The following SH3GL3 variants were observed in gnomAD, a reference collection of about 807,000 sequenced individuals.
The protein encoded by SH3GL3 is SH3 domain containing GRB2 like 3, endophilin A3.
SH3GL3 carries 33 observed loss-of-function variants against 47.7 expected under a neutral mutation model. That is an observed-to-expected ratio of 0.69 (90% CI 0.52 to 0.92). The LOEUF (loss-of-function observed/expected upper bound fraction) is 0.92. Ranked by LOEUF, SH3GL3 falls within the 40% of genes least tolerant of loss-of-function variation. The pLI is 0.00. For missense variants in SH3GL3, 363 were observed against 417.8 expected, an observed-to-expected ratio of 0.87 and a Z score of 1.14; for synonymous variants, 155 against 148.8, an observed-to-expected ratio of 1.04 and a Z score of -0.30.
At chr15:83,557,851 A>T (rs1239876438) in intron 1 of SH3GL3, among the ~76,000 whole-genome samples, 1 of 152,204 alleles carries the variant, frequency 6.6e-6, no homozygotes, top group Non-Finnish European at 1.5e-5. Flanking sequence ...CTCCAACTCT[A>T]GCTCGGAGGA....
At chr15:83,563,203 A>G (rs2045369134) in intron 2 of SH3GL3, among the ~76,000 whole-genome samples, 1 of 152,148 alleles carries the variant, frequency 6.6e-6, no homozygotes, top group African/African-American at 2.4e-5. Context: ...CTTGCTTTCT[A>G]TGTATGTACT....
chr15:83,597,206 C>A (rs112126585), intron 8 of SH3GL3, among the ~76,000 whole-genome samples: 1 of 152,156 alleles, frequency 6.6e-6, no homozygotes, highest in South Asian at 2.1e-4. Context: ...TGCCTCATTG[C>A]CCCTTGCTCC....
chr15:83,521,718 T>G (rs1434829206), intron 1 of SH3GL3, among the ~76,000 whole-genome samples: 1 of 152,132 alleles, frequency 6.6e-6, no homozygotes, highest in Non-Finnish European at 1.5e-5. Flanking sequence ...CAGCAAACCG[T>G]TCAGATTAGC....
intron 6 of SH3GL3, among the ~76,000 whole-genome samples, chr15:83,584,873 A>G (rs916985626): frequency 6.6e-6 from 1 of 152,160 alleles, no homozygotes; most frequent in Non-Finnish European, 1.5e-5. Flanking sequence ...AAATTCCAAC[A>G]ATGGAAGAAA....
chr15:83,494,534 A>G (rs1596103459), intron 1 of SH3GL3, among the ~76,000 whole-genome samples: 1 of 147,662 alleles, frequency 6.8e-6, no homozygotes, highest in Non-Finnish European at 1.5e-5. Flanking sequence ...TTATTTCTGT[A>G]TGACTTAGTC....
chr15:83,490,862 G>A (rs761345655), intron 1 of SH3GL3: 1 of 1,614,166 alleles, frequency 6.2e-7, no homozygotes, highest in South Asian at 1.1e-5. Context: ...GGGATAATAT[G>A]CAATCAAGCT....
At chr15:83,510,734 A>G (rs2042711685) in intron 1 of SH3GL3, among the ~76,000 whole-genome samples, 2 of 152,232 alleles carry the variant, frequency 1.3e-5, no homozygotes, top group South Asian at 2.1e-4. Context: ...AAAAGGGTCC[A>G]TGAAGCAGCT....
At chr15:83,565,358 G>T (rs2045483726) in intron 3 of SH3GL3, 152 bp downstream of exon 3, 1 of 637,402 alleles carries the variant, frequency 1.6e-6, no homozygotes, top group Non-Finnish European at 2.8e-6. Flanking sequence ...GTGACCAAAG[G>T]TAGTTGCATT....
At chr15:83,545,454 A>T (rs2151710101) in intron 1 of SH3GL3, among the ~76,000 whole-genome samples, 1 of 152,290 alleles carries the variant, frequency 6.6e-6, no homozygotes, top group East Asian at 1.9e-4. Context: ...CTTCTTCAAA[A>T]CAGTTCTTTT....
At chr15:83,577,763 T>C (rs190088884) in intron 6 of SH3GL3, among the ~76,000 whole-genome samples, 4 of 152,330 alleles carry the variant, frequency 2.6e-5, no homozygotes, top group Non-Finnish European at 5.9e-5. Flanking sequence ...CTCTGAAGAT[T>C]GCTAAGTAGA....
intron 1 of SH3GL3, among the ~76,000 whole-genome samples, chr15:83,475,563 A>G (rs754133105): frequency 3.9e-5 from 6 of 152,230 alleles, no homozygotes; most frequent in Non-Finnish European, 5.9e-5. Context: ...GATCTCTGCT[A>G]TTCACATTGG....
chr15:83,533,455 A>T (rs1454535123), intron 1 of SH3GL3, among the ~76,000 whole-genome samples: 2 of 152,234 alleles, frequency 1.3e-5, no homozygotes, highest in African/African-American at 4.8e-5. Flanking sequence ...ACAGAGGCTT[A>T]GGATCTGGAA....
chr15:83,447,832 G>T lies in SH3GL3; in HGVS notation c.45+254G>T, dbSNP rs1453682700. On this transcript the variant is annotated intron_variant, in intron 1 of 8. Coordinates refer to ENST00000427482, the MANE Select transcript of SH3GL3 (RefSeq NM_003027.5). The surrounding 1 kb of genome is among the most constrained non-coding windows in gnomAD (Gnocchi z 5.1). ...TAAATCGGAGAGATTCTGCGGAGCG[G>T]AGGGCAGAGGTGGCGGCCGCGGGGA... Among the ~76,000 whole-genome samples, 1 of 152,164 alleles carries T rather than the reference G, an allele frequency of 6.6e-6. No homozygotes were observed. Among genetic ancestry groups the T allele is most frequent in the Non-Finnish European group, 1.5e-5 (1 of 68,012 alleles).
intron 3 of SH3GL3, among the ~76,000 whole-genome samples, chr15:83,566,441 C>T (rs2045551567): frequency 6.8e-6 from 1 of 146,856 alleles, no homozygotes; most frequent in Non-Finnish European, 1.5e-5. Flanking sequence ...GGCTTGGGGA[C>T]CTGGAGGATA....
At chr15:83,588,860 TAC>T in intron 8 of SH3GL3, 89 bp downstream of exon 8, 1 of 739,530 alleles carries the variant, frequency 1.4e-6, no homozygotes, top group Non-Finnish European at 2.5e-6. Context: ...GGTCAGTGAA[TAC>T]ACACAGACCC....
At chr15:83,604,820 A>G (rs964290457) in intron 8 of SH3GL3, among the ~76,000 whole-genome samples, 1 of 152,226 alleles carries the variant, frequency 6.6e-6, no homozygotes, top group African/African-American at 2.4e-5. Context: ...ACTTTACCTT[A>G]TAGATATTTC....
At chr15:83,573,299 T>G (rs2059587659) in intron 5 of SH3GL3, among the ~76,000 whole-genome samples, 1 of 152,230 alleles carries the variant, frequency 6.6e-6, no homozygotes. Flanking sequence ...ACAGAAGATG[T>G]TCCTCCAGGT....
intron 1 of SH3GL3, among the ~76,000 whole-genome samples, chr15:83,542,271 A>G (rs1368236206): frequency 6.6e-6 from 1 of 152,092 alleles, no homozygotes; most frequent in Admixed American, 6.5e-5. Context: ...GTTGAAAAGG[A>G]TTTCACTGTA....
chr15:83,459,125 G>T (rs1180212865), intron 1 of SH3GL3, among the ~76,000 whole-genome samples: 1 of 152,240 alleles, frequency 6.6e-6, no homozygotes, highest in Non-Finnish European at 1.5e-5. Context: ...AGGGCAGGAA[G>T]CATCCAGCAC....
Sources: gnomAD v4.1 joint callset for allele counts (sites outside exome capture counted in the v4.1 genomes callset) on GRCh38, gnomAD v4.1.1 for gene constraint, Gnocchi (gnomAD v3.1) non-coding constraint, MANE v1.5 for transcripts, NCBI Gene and HGNC (gene_info 2026-07-23, HGNC 2026-07-21) for gene names.